The following SRCIN1 variants were observed in gnomAD, a reference collection of about 807,000 sequenced individuals.
SRCIN1 encodes SRC kinase signaling inhibitor 1.
A neutral mutation model predicts 116.2 loss-of-function variants in SRCIN1; 50 were observed. The ratio of observed to expected loss-of-function variants is 0.43; its 90% CI spans 0.34 to 0.54. The LOEUF (loss-of-function observed/expected upper bound fraction) is 0.54. Among genes scored for constraint, SRCIN1 ranks in the 20% least tolerant of loss-of-function variants. The pLI is 0.02. For synonymous variants in SRCIN1, 736 were observed against 750.0 expected (o/e 0.98, Z 0.30); for missense variants, 1,446 against 1,672.0 (o/e 0.86, Z 2.36).
At chr17:38,596,504 C>T (rs1214282718) in intron 1 of SRCIN1, among the ~76,000 whole-genome samples, 1 of 152,160 alleles carries the variant, frequency 6.6e-6, no homozygotes, top group Admixed American at 6.5e-5. Flanking sequence ...CCTGGTTCTC[C>T]ACCCAGAAAC....
Position 38,552,666 on chromosome 17 carries a change from G to C in SRCIN1, c.2332+59C>G, listed in dbSNP as rs1905513005. On this transcript the variant is annotated intron_variant, in intron 12 of 18. Transcript: ENST00000617146. The surrounding 1 kb of genome is among the most constrained non-coding windows in gnomAD (Gnocchi z 5.3). ...GACTGGGAGGAGAGGATGGTGGCTG[G>C]AGTATGGCAGACTTCCCCACCCTGA... is the stretch of plus-strand genomic sequence containing the variant. The C allele has an allele frequency of 2.5e-6, 4 of 1,613,088 alleles. No homozygotes were observed. The highest frequency in any genetic ancestry group is 2.5e-6 in the Non-Finnish European group (3 of 1,179,754).
chr17:38,565,001 T>G (rs1419735357), intron 3 of SRCIN1, among the ~76,000 whole-genome samples: 1 of 152,076 alleles, frequency 6.6e-6, no homozygotes, highest in Non-Finnish European at 1.5e-5. Flanking sequence ...CCTCAGCCCC[T>G]CCTTGCAAGG....
intron 18 of SRCIN1, chr17:38,541,713 G>T (rs1000638051): frequency 6.6e-6 from 1 of 152,492 alleles, no homozygotes; most frequent in Non-Finnish European, 1.5e-5. Context: ...AGCACTTTGG[G>T]AGGCTGAGGT....
In SRCIN1 at chr17:38,568,291, G is replaced by A. The variant is rs1906852615; in HGVS notation, c.325-60C>T. 2 of 1,534,158 alleles carry A rather than the reference G, an allele frequency of 1.3e-6. No individual in the cohort carries two copies. The highest frequency in any genetic ancestry group is 2.3e-5 in the South Asian group (2 of 86,954). The stretch of plus-strand genomic sequence containing the variant: ...GGGGGCCCAGGAGGGGAAAAGAGGG[G>A]CAGGGGCAGGTTAGAGACCCTTGGA... On this transcript the variant is annotated intron_variant, in intron 2 of 18. Transcript: ENST00000617146. The surrounding 1 kb of genome is among the most constrained non-coding windows in gnomAD (Gnocchi z 4.5).
chr17:38,551,692 G>T, intron 14 of SRCIN1, 194 bp downstream of exon 14: 1 of 833,164 alleles, frequency 1.2e-6, no homozygotes, highest in Non-Finnish European at 1.9e-6. Context: ...GATTATTGTA[G>T]CTTTATAATA....
intron 15 of SRCIN1, among the ~76,000 whole-genome samples, chr17:38,550,703 C>T (rs1012376938): frequency 1.3e-5 from 2 of 152,190 alleles, no homozygotes; most frequent in Admixed American, 1.3e-4. Flanking sequence ...AACCAATATG[C>T]ATTGCAGGAA....
chr17:38,569,407 G>A (rs1906930857), intron 2 of SRCIN1, among the ~76,000 whole-genome samples: 1 of 152,226 alleles, frequency 6.6e-6, no homozygotes, highest in African/African-American at 2.4e-5. Flanking sequence ...GCCACTGGCA[G>A]AGGAGAGGGA....
rs375980195 is a variant in SRCIN1 at position 38,543,869 on chromosome 17, T to C, written c.3371A>G (p.His1124Arg). The C allele has an allele frequency of 5.6e-6, 9 of 1,608,152 alleles. No individual in the cohort carries two copies. The highest frequency in any genetic ancestry group is 4.0e-5 in the African/African-American group (3 of 75,028). ...CATGTACTCGGCCCTCTGCTTGCCA[T>C]GTTTGCTTTTGTCGGGGCTGCCCGC... Reference protein sequence around the residue: ...GQAGSPDKSKHGKQRAEYMRI... With the variant: ...GQAGSPDKSKRGKQRAEYMRI... Residue 1124 changes from histidine (H) to arginine (R), a missense_variant, in exon 18 of 19, where the codon CAT becomes CGT. Coordinates refer to ENST00000617146, the MANE Select transcript of SRCIN1 (RefSeq NM_025248.3).
At chr17:38,553,286 C>G (rs1001193445) in intron 11 of SRCIN1, among the ~76,000 whole-genome samples, 2 of 152,178 alleles carry the variant, frequency 1.3e-5, no homozygotes, top group African/African-American at 4.8e-5. Context: ...AGCCAGCCAT[C>G]AGGCCACATA....
Position 38,543,879 on chromosome 17 carries a change from T to C in SRCIN1, c.3361A>G (p.Lys1121Glu), listed in dbSNP as rs1220260724. 4.4e-6 allele frequency: 7 copies of C among 1,607,824 alleles called. No individual in the cohort carries two copies. Among genetic ancestry groups the C allele is most frequent in the East Asian group, 2.2e-5 (1 of 44,878 alleles). ...AAQGQAGSPD[K>E]SKHGKQRAEY... ...GCCCTCTGCTTGCCATGTTTGCTTT[T>C]GTCGGGGCTGCCCGCCTGGCCCTGG... Residue 1121 changes from lysine to glutamate, a missense_variant, in exon 18 of 19, where the codon AAA becomes GAA. By Grantham distance (56) the Lys-to-Glu change is moderately conservative (BLOSUM62 1). Transcript: ENST00000617146.
At chr17:38,576,724 CCAA>C (rs1480437312) in intron 2 of SRCIN1, among the ~76,000 whole-genome samples, 1 of 152,098 alleles carries the variant, frequency 6.6e-6, no homozygotes, top group East Asian at 1.9e-4. Flanking sequence ...CTCCAAGGCA[CCAA>C]CATCTCCCTG....
At chr17:38,564,076 G>A (rs530895883) in intron 4 of SRCIN1, 42 bp downstream of exon 4, 2 of 1,562,952 alleles carry the variant, frequency 1.3e-6, no homozygotes, top group South Asian at 2.3e-5. Flanking sequence ...AGCAGAGGGA[G>A]GAGCCTGTGT....
At chr17:38,598,850 G>T (rs1483742867) in intron 1 of SRCIN1, among the ~76,000 whole-genome samples, 1 of 152,166 alleles carries the variant, frequency 6.6e-6, no homozygotes, top group African/African-American at 2.4e-5. Flanking sequence ...TTCTGCTGGG[G>T]TGGGAGGAAA....
intron 1 of SRCIN1, among the ~76,000 whole-genome samples, chr17:38,588,230 C>G (rs1393467549): frequency 6.6e-6 from 1 of 152,158 alleles, no homozygotes; most frequent in African/African-American, 2.4e-5. Context: ...AGACCCAGGA[C>G]TGTGGGGTTG....
rs1906151416 is a variant in SRCIN1, at chr17:38,560,380, G to T, written c.1746C>A (p.Gly582=). ...AMEKQIASLT[G]LVQSALLRGS... ...CTCGCAGTAAGGCGCTCTGCACCAGGCCTGTGAGGCTGGCAATCTGCTTCT... is the reference window on the plus strand; with the variant it reads ...CTCGCAGTAAGGCGCTCTGCACCAGTCCTGTGAGGCTGGCAATCTGCTTCT... The change falls in exon 8 of 19, where the codon GGC becomes GGA. Residue 582 remains glycine (G), a synonymous_variant. Coordinates refer to ENST00000617146, the MANE Select transcript of SRCIN1 (RefSeq NM_025248.3). 1 of 1,611,964 alleles carries T rather than the reference G, an allele frequency of 6.2e-7. No individual in the cohort carries two copies. The highest frequency in any genetic ancestry group is 1.1e-5 in the South Asian group (1 of 90,366).
intron 1 of SRCIN1, among the ~76,000 whole-genome samples, chr17:38,588,922 G>T (rs1174934799): frequency 6.6e-6 from 1 of 152,200 alleles, no homozygotes; most frequent in Non-Finnish European, 1.5e-5. Context: ...AGGAGGCCTT[G>T]TCCCAGCCCT....
chr17:38,585,410 T>G lies in SRCIN1; in HGVS notation c.23-6619A>C, dbSNP rs897246620. The stretch of plus-strand genomic sequence containing the variant: ...TGACTCCATCCTGCTGGGTGCCTGC[T>G]GCAGTCGGGAAGCACACGGTGTGCT... On this transcript the variant is annotated intron_variant, in intron 1 of 18. Transcript: ENST00000617146. The surrounding 1 kb of genome is among the most constrained non-coding windows in gnomAD (Gnocchi z 4.2). Among the ~76,000 whole-genome samples the G allele has an allele frequency of 2.0e-5, 3 of 152,236 alleles. No homozygotes were observed. Among genetic ancestry groups the G allele is most frequent in the Admixed American group, 1.3e-4 (2 of 15,284 alleles).
chr17:38,563,424 C>A lies in SRCIN1; in HGVS notation c.639G>T (p.Met213Ile). ...TGCCCATGGTGAGCTTCTGCGGGAA[C>A]ATGTGCGCGATGAGTGCGTGCAGCG... ...LDTLHALIAH[M>I]FPQKLTMGML... The change falls in exon 5 of 19, where the codon ATG becomes ATT. Residue 213 changes from methionine (M) to isoleucine (I), a missense_variant. Met to Ile is a conservative substitution (Grantham distance 10). This residue lies in a region of SRCIN1 where 32 missense variants were observed against 69.7 expected (regional missense o/e 0.46). Transcript: ENST00000617146. This position sits in a 1 kb window ranked among gnomAD's most constrained non-coding sequence, Gnocchi z 5.8. 6.4e-7 allele frequency: 1 copy of A among 1,569,596 alleles called. No individual in the cohort carries two copies. Among genetic ancestry groups the A allele is most frequent in the Non-Finnish European group, 8.6e-7 (1 of 1,156,498 alleles).
At position 38,563,382 on chromosome 17, in the gene SRCIN1, A is replaced by G. The variant is rs755281338; in HGVS notation, c.681T>C (p.Asn227=). 3 of 1,580,770 alleles carry G rather than the reference A, an allele frequency of 1.9e-6. No individual in the cohort carries two copies. In the Admixed American group the frequency reaches 5.4e-5, roughly 28 times the overall value. The change falls in exon 5 of 19, where the codon AAT becomes AAC. Residue 227 remains asparagine (N), a synonymous_variant. Transcript: ENST00000617146. This position sits in a 1 kb window ranked among gnomAD's most constrained non-coding sequence, Gnocchi z 5.8. Reference sequence around the variant, plus strand: ...CCTCGTCTTTGATGAGGATGGCGGTATTGGGCGACTTAAGCATGCCCATGG... The same window carrying G: ...CCTCGTCTTTGATGAGGATGGCGGTGTTGGGCGACTTAAGCATGCCCATGG... The part of the protein sequence containing the change: ...KLTMGMLKSP[N]TAILIKDEAR...
Sources: gnomAD v4.1 joint callset for allele counts (sites outside exome capture counted in the v4.1 genomes callset) on GRCh38, gnomAD v4.1.1 for gene constraint, gnomAD v4.1.1 regional missense constraint, Gnocchi (gnomAD v3.1) non-coding constraint, MANE v1.5 for transcripts, NCBI Gene and HGNC (gene_info 2026-07-23, HGNC 2026-07-21) for gene names.